ZNF197: variants seen among roughly 807,000 people sequenced by gnomAD.
ZNF197 encodes zinc finger protein 197.
A neutral mutation model predicts 27.4 loss-of-function variants in ZNF197; 14 were observed. That is an observed-to-expected ratio of 0.51 (90% CI 0.34 to 0.80). ZNF197 has a LOEUF of 0.80. Ranked by LOEUF, ZNF197 falls within the 30% of genes least tolerant of loss-of-function variation. ZNF197 has a pLI of 0.02. For missense variants in ZNF197, 1,090 were observed against 1,222.6 expected (o/e 0.89, Z 1.62); for synonymous variants, 415 against 420.0 (o/e 0.99, Z 0.15).
chr3:44,642,900 AAAG>A lies in ZNF197; in HGVS notation c.1773_1775del (p.Lys592del). ...TCTTACATCAGAGAGTCCACACAGA[AAAG>A]AAAACCTTTGGTTGTAAAAAGTGTG... On this transcript the variant is annotated inframe_deletion, in exon 6 of 6. Coordinates refer to ENST00000344387, the MANE Select transcript of ZNF197 (RefSeq NM_006991.5). The A allele has an allele frequency of 1.9e-6, 3 of 1,614,116 alleles. No individual in the cohort carries two copies. Among genetic ancestry groups the A allele is most frequent in the South Asian group, 1.1e-5 (1 of 91,070 alleles).
In ZNF197 at chr3:44,642,136, C is replaced by G; in HGVS notation, c.1006C>G (p.Pro336Ala). ...TGAACGAGACAAGAAGAAAAGGACT[C>G]CACCAGAGAAACAAGGCCAAAAGTG... is the stretch of plus-strand genomic sequence containing the variant. Reference protein sequence around the residue: ...LCERDKKKRTPPEKQGQKWKE... With the variant: ...LCERDKKKRTAPEKQGQKWKE... The change falls in exon 6 of 6, where the codon CCA becomes GCA. Residue 336 changes from proline to alanine, a missense_variant. Coordinates refer to ENST00000344387, the MANE Select transcript of ZNF197 (RefSeq NM_006991.5). 6.2e-7 allele frequency: 1 copy of G among 1,614,008 alleles called. No homozygotes were observed. The highest frequency in any genetic ancestry group is 1.1e-5 in the South Asian group (1 of 91,064).
In ZNF197 at chr3:44,644,375, A is replaced by C; in HGVS notation, c.*155A>C. The C allele has an allele frequency of 7.2e-7, 1 of 1,396,550 alleles. No individual in the cohort carries two copies. Among genetic ancestry groups the C allele is most frequent in the Non-Finnish European group, 9.2e-7 (1 of 1,083,418 alleles). The allele number at this position is 1,396,550 out of a possible 1,614,324, so 86.5% of individuals were successfully genotyped here. ...GTTAATAGGCCGGGCTTGGTGGCTC[A>C]TGCCTGTAATCCCAGCACTTTGAGA... is the stretch of plus-strand genomic sequence containing the variant. On this transcript the variant is annotated 3_prime_UTR_variant, in exon 6 of 6. Coordinates refer to ENST00000344387, the MANE Select transcript of ZNF197 (RefSeq NM_006991.5).
intron 3 of ZNF197, among the ~76,000 whole-genome samples, chr3:44,631,892 A>G (rs1702029919): frequency 1.3e-5 from 2 of 151,960 alleles, no homozygotes; most frequent in African/African-American, 2.4e-5. Context: ...TAGTAGAGAC[A>G]GGGTTTCACC....
At chr3:44,638,740 C>G (rs978830517) in intron 5 of ZNF197, among the ~76,000 whole-genome samples, 1 of 152,194 alleles carries the variant, frequency 6.6e-6, no homozygotes, top group Non-Finnish European at 1.5e-5. Context: ...GTTGCCCAGA[C>G]TAGAGTGCAG....
Position 44,642,708 on chromosome 3 carries a change from T to C in ZNF197, c.1578T>C (p.Ile526=). The C allele has an allele frequency of 1.9e-6, 3 of 1,613,940 alleles. No homozygotes were observed. The highest frequency in any genetic ancestry group is 2.5e-6 in the Non-Finnish European group (3 of 1,180,000). ...CTTTCATTCTGAAGAAGAGCCTCATTCTGCACCAGAGAATCCACTCTGGGG... is the reference window on the plus strand; with the variant it reads ...CTTTCATTCTGAAGAAGAGCCTCATCCTGCACCAGAGAATCCACTCTGGGG... ...QKAFILKKSL[I]LHQRIHSGEK... is the part of the protein sequence containing the mutation. The change falls in exon 6 of 6, where the codon ATT becomes ATC. Residue 526 remains isoleucine (I), a synonymous_variant. Transcript: ENST00000344387.
In ZNF197 at chr3:44,643,215, C is replaced by T. The variant is rs1229499373; in HGVS notation, c.2085C>T (p.Asp695=). Residue 695 remains aspartate (D), a synonymous_variant, in exon 6 of 6, where the codon GAC becomes GAT. Transcript: ENST00000344387. The part of the protein sequence containing the change: ...KVFGSNRNLI[D]HERLHNGEKP... ...TCGGTTCAAACAGAAACCTCATTGA[C>T]CATGAGAGACTCCACAATGGGGAGA... 1.9e-6 allele frequency: 3 copies of T among 1,613,956 alleles called. No homozygotes were observed. The highest frequency in any genetic ancestry group is 1.7e-6 in the Non-Finnish European group (2 of 1,180,004).
chr3:44,632,586 T>G lies in ZNF197; in HGVS notation c.756T>G (p.Asn252Lys). 1.3e-6 allele frequency: 2 copies of G among 1,582,242 alleles called. No individual in the cohort carries two copies. The highest frequency in any genetic ancestry group is 1.7e-6 in the Non-Finnish European group (2 of 1,164,056). ...ATGTGATGCTGGAGAATTATGGAAA[T>G]GTGACCTCCCTAGGTAAGGATTCTT... ...YWDVMLENYG[N>K]VTSLEWETMT... The change falls in exon 5 of 6, where the codon AAT (asparagine) becomes AAG (lysine). Residue 252 changes from asparagine (N) to lysine (K), a missense_variant. Physicochemically the swap from Asn to Lys is moderately conservative, Grantham distance 94 (BLOSUM62 0). Coordinates refer to ENST00000344387, the MANE Select transcript of ZNF197 (RefSeq NM_006991.5).
rs939857998 is a variant in ZNF197, at chr3:44,640,078, C to T, written c.770-1822C>T. Among the ~76,000 whole-genome samples, 2 of 152,184 alleles carry T rather than the reference C, an allele frequency of 1.3e-5. No homozygotes were observed. Among genetic ancestry groups the T allele is most frequent in the African/African-American group, 4.8e-5 (2 of 41,442 alleles). On this transcript the variant is annotated intron_variant, in intron 5 of 5. Transcript: ENST00000344387. The surrounding 1 kb of genome is among the most constrained non-coding windows in gnomAD (Gnocchi z 4.0). The stretch of plus-strand genomic sequence containing the variant: ...GTCAGTGGTAGGAAAGCCTGTGTCT[C>T]TTTCTTGCAGGCTTCATTCACCAAA...
rs1209601617 is a variant in ZNF197, at chr3:44,642,418, G to C, written c.1288G>C (p.Glu430Gln). The C allele has an allele frequency of 3.1e-6, 5 of 1,614,034 alleles. No homozygotes were observed. Among genetic ancestry groups the C allele is most frequent in the Non-Finnish European group, 1.7e-6 (2 of 1,180,038 alleles). The change falls in exon 6 of 6, where the codon GAA (glutamate) becomes CAA (glutamine). Residue 430 changes from glutamate to glutamine, a missense_variant. By Grantham distance (29) the Glu-to-Gln change is conservative. Coordinates refer to ENST00000344387, the MANE Select transcript of ZNF197 (RefSeq NM_006991.5). Reference sequence around the variant, plus strand: ...AGGGGAGAAACCTTATAAATGTAATGAATGTGGGAAAGCATTTTCTCAAAG... The same window carrying C: ...AGGGGAGAAACCTTATAAATGTAATCAATGTGGGAAAGCATTTTCTCAAAG... ...HSGEKPYKCNECGKAFSQSAY... is the reference protein window; with the variant it reads ...HSGEKPYKCNQCGKAFSQSAY...
intron 5 of ZNF197, among the ~76,000 whole-genome samples, chr3:44,635,981 C>CA (rs1048898056): frequency 1.3e-5 from 2 of 152,150 alleles, no homozygotes; most frequent in African/African-American, 4.8e-5. Flanking sequence ...TGTGTATTCA[C>CA]AGAGTTGTGC....
chr3:44,637,445 T>C (rs1702362849), intron 5 of ZNF197, among the ~76,000 whole-genome samples: 1 of 152,172 alleles, frequency 6.6e-6, no homozygotes, highest in African/African-American at 2.4e-5. Flanking sequence ...CCTTACTTGA[T>C]GGTATCCTTT....
Position 44,643,970 on chromosome 3 carries a change from G to A in ZNF197, c.2840G>A (p.Gly947Asp). The A allele has an allele frequency of 6.2e-7, 1 of 1,614,054 alleles. No individual in the cohort carries two copies. The highest frequency in any genetic ancestry group is 8.5e-7 in the Non-Finnish European group (1 of 1,180,010). ...KSFTSKRNLVGHQRIHTGEKP... is the reference protein window; with the variant it reads ...KSFTSKRNLVDHQRIHTGEKP... ...TTTACTTCTAAGAGGAATTTAGTTG[G>A]CCACCAGAGAATTCACACAGGGGAG... is the stretch of plus-strand genomic sequence containing the variant. Residue 947 changes from glycine to aspartate, a missense_variant, in exon 6 of 6, where the codon GGC (glycine) becomes GAC (aspartate). Coordinates refer to ENST00000344387, the MANE Select transcript of ZNF197 (RefSeq NM_006991.5).
chr3:44,625,981 C>T (rs759471568), intron 1 of ZNF197, among the ~76,000 whole-genome samples: 2 of 152,152 alleles, frequency 1.3e-5, no homozygotes, highest in Non-Finnish European at 2.9e-5. Context: ...TCAGAATTTG[C>T]TCCCATGTCT....
rs951800003 is a variant in ZNF197, at chr3:44,644,365, T to C, written c.*145T>C. On this transcript the variant is annotated 3_prime_UTR_variant, in exon 6 of 6. Transcript: ENST00000344387. ...ATAGAAGAAAGTTAATAGGCCGGGC[T>C]TGGTGGCTCATGCCTGTAATCCCAG... 2.1e-6 allele frequency: 3 copies of C among 1,405,352 alleles called. No individual in the cohort carries two copies. Among genetic ancestry groups the C allele is most frequent in the Non-Finnish European group, 2.8e-6 (3 of 1,088,310 alleles). The allele number at this position is 1,405,352 out of a possible 1,614,324, so 87.1% of individuals were successfully genotyped here. A position where few individuals can be genotyped will look rare whatever the true frequency, so the allele number is the denominator to read the frequency against.
At position 44,642,703 on chromosome 3, in the gene ZNF197, C is replaced by T. The variant is rs1702686844; in HGVS notation, c.1573C>T (p.Leu525Phe). The T allele has an allele frequency of 6.2e-7, 1 of 1,613,926 alleles. No homozygotes were observed. Among genetic ancestry groups the T allele is most frequent in the African/African-American group, 1.3e-5 (1 of 75,020 alleles). The change falls in exon 6 of 6, where the codon CTC (leucine) becomes TTC (phenylalanine). Residue 525 changes from leucine (L) to phenylalanine (F), a missense_variant. Leu to Phe is a conservative substitution (Grantham distance 22). Transcript: ENST00000344387. ...GAAAGCTTTCATTCTGAAGAAGAGC[C>T]TCATTCTGCACCAGAGAATCCACTC... is the stretch of plus-strand genomic sequence containing the variant. Reference protein sequence around the residue: ...CQKAFILKKSLILHQRIHSGE... With the variant: ...CQKAFILKKSFILHQRIHSGE...
chr3:44,626,509 G>A (rs920064391), intron 1 of ZNF197, among the ~76,000 whole-genome samples: 4 of 152,154 alleles, frequency 2.6e-5, no homozygotes, highest in African/African-American at 4.8e-5. Context: ...GTAAACAAAG[G>A]ACTAATTTTC....
At position 44,648,406 on chromosome 3, in the gene ZNF197, A is replaced by G. The variant is rs1445376284; in HGVS notation, c.*4186A>G. ...TCCACATGGAAAATACGGGTATTCA[A>G]TGTGCCATACTTTCAACTCTTCTGT... On this transcript the variant is annotated 3_prime_UTR_variant, in exon 6 of 6. Transcript: ENST00000344387. 6.6e-6 allele frequency: 1 copy of G among 152,234 alleles called. No homozygotes were observed. Among genetic ancestry groups the G allele is most frequent in the Non-Finnish European group, 1.5e-5 (1 of 68,036 alleles). The allele number at this position is 152,234 out of a possible 1,614,324, so 9.4% of individuals were successfully genotyped here.
chr3:44,633,320 G>A (rs74947294), intron 5 of ZNF197, among the ~76,000 whole-genome samples: 1 of 152,108 alleles, frequency 6.6e-6, no homozygotes, highest in East Asian at 1.9e-4. Context: ...TACCTATCAT[G>A]GTACAGCTGT....
rs957288850 is a variant in ZNF197, at chr3:44,647,222, A to G, written c.*3002A>G. 1 of 152,216 alleles carries G rather than the reference A, an allele frequency of 6.6e-6. No individual in the cohort carries two copies. Among genetic ancestry groups the G allele is most frequent in the Non-Finnish European group, 1.5e-5 (1 of 68,034 alleles). The allele number at this position is 152,216 out of a possible 1,614,324, so 9.4% of individuals were successfully genotyped here. A position where few individuals can be genotyped will look rare whatever the true frequency, so the allele number is the denominator to read the frequency against. ...AAATAAGCAAATGAAAAGATGTTCA[A>G]CATCATTAGGCATGAGGGAAATGCA... On this transcript the variant is annotated 3_prime_UTR_variant, in exon 6 of 6. Coordinates refer to ENST00000344387, the MANE Select transcript of ZNF197 (RefSeq NM_006991.5).
Sources: gnomAD v4.1 joint callset for allele counts (sites outside exome capture counted in the v4.1 genomes callset) on GRCh38, gnomAD v4.1.1 for gene constraint, Gnocchi (gnomAD v3.1) non-coding constraint, MANE v1.5 for transcripts, NCBI Gene and HGNC (gene_info 2026-07-23, HGNC 2026-07-21) for gene names.